The following LRRK1 variants were observed in gnomAD, a reference collection of about 807,000 sequenced individuals.
The protein encoded by LRRK1 is leucine rich repeat kinase 1.
LRRK1 carries 113 observed loss-of-function variants against 209.1 expected under a neutral mutation model. The observed-to-expected ratio is 0.54, with a 90% CI of 0.46 to 0.63. LRRK1 has a LOEUF of 0.63. LRRK1 is among the 30% of genes least tolerant of loss of function. The pLI, the probability that LRRK1 is intolerant of heterozygous loss-of-function variation, is 0.00. For synonymous variants in LRRK1, 1,144 were observed against 1,099.7 expected (o/e 1.04, Z -0.80); for missense variants, 2,284 against 2,632.2 (o/e 0.87, Z 2.89).
intron 22 of LRRK1, 67 bp from the exon 23 acceptor site, chr15:101,049,557 TGGTTCCTGTCCCTGGGGGTA>T: frequency 1.3e-6 from 2 of 1,481,544 alleles, no homozygotes; most frequent in Non-Finnish European, 1.8e-6. Context: ...CCCCGGGGGT[TGGTTCCTGTCCCTGGGGGTA>T]GGGATATCAT....
intron 2 of LRRK1, among the ~76,000 whole-genome samples, chr15:100,940,704 G>A (rs2042385264): frequency 6.6e-6 from 1 of 152,102 alleles, no homozygotes; most frequent in Admixed American, 6.5e-5. Flanking sequence ...TCTGTGTAGA[G>A]AGGGGCCCTG....
At chr15:101,062,475 G>A (rs2141156638) in intron 30 of LRRK1, 99 bp from the exon 31 acceptor site, 2 of 833,018 alleles carry the variant, frequency 2.4e-6, no homozygotes, top group Non-Finnish European at 4.2e-6. Context: ...AAGACCCATA[G>A]GGGATCCCCA....
chr15:100,927,186 G>C (rs965010754), intron 2 of LRRK1, among the ~76,000 whole-genome samples: 1 of 152,152 alleles, frequency 6.6e-6, no homozygotes, highest in African/African-American at 2.4e-5. Flanking sequence ...AGGTCCCCAG[G>C]GATCCCCCGT....
chr15:101,014,290 T>A lies in LRRK1; in HGVS notation c.1420-26T>A, dbSNP rs745611145. ...TCTTGTATCTGATGCTATCTTAGCTTCTCTCTCCCTCCCTCTCTCTCTCAG... is the reference window on the plus strand; with the variant it reads ...TCTTGTATCTGATGCTATCTTAGCTACTCTCTCCCTCCCTCTCTCTCTCAG... On this transcript the variant is annotated intron_variant, in intron 10 of 33. Transcript: ENST00000388948. 8 of 1,523,664 alleles carry A rather than the reference T, an allele frequency of 5.3e-6. No homozygotes were observed. The East Asian group carries it at 1.8e-4, about 34-fold the overall frequency. 94.4% of individuals were successfully genotyped at this position (1,523,664 alleles called of 1,614,324 possible). A position where few individuals can be genotyped will look rare whatever the true frequency, so the allele number is the denominator to read the frequency against.
At chr15:101,021,987 A>G (rs571192427) in intron 14 of LRRK1, 30 bp downstream of exon 14, 11 of 1,499,606 alleles carry the variant, frequency 7.3e-6, no homozygotes, top group South Asian at 6.8e-5. Flanking sequence ...GTCCCCTGCC[A>G]TCACCTCTTG....
rs762129174 is a variant in LRRK1 at position 101,051,745 on chromosome 15, C to T, written c.3474C>T (p.Leu1158=). The part of the protein sequence containing the change: ...LTATESDGTP[L]MEQYVPCPVC... ...CCACAGAGAGCGACGGGACGCCACT[C>T]ATGGAGCAGTACGTGCCCTGCCCGG... Residue 1158 remains leucine, a synonymous_variant, in exon 24 of 34, where the codon CTC becomes CTT. Coordinates refer to ENST00000388948, the MANE Select transcript of LRRK1 (RefSeq NM_024652.6). 6.2e-7 allele frequency: 1 copy of T among 1,613,974 alleles called. No homozygotes were observed. Among genetic ancestry groups the T allele is most frequent in the East Asian group, 2.2e-5 (1 of 44,880 alleles).
intron 16 of LRRK1, 95 bp downstream of exon 16, chr15:101,025,062 G>C: frequency 7.8e-7 from 1 of 1,284,278 alleles, no homozygotes; most frequent in Non-Finnish European, 1.1e-6. Context: ...GAGAAAAAAA[G>C]GGGGTTATGT....
intron 21 of LRRK1, among the ~76,000 whole-genome samples, chr15:101,046,633 A>T (rs1208347984): frequency 6.6e-6 from 1 of 152,238 alleles, no homozygotes; most frequent in Non-Finnish European, 1.5e-5. Context: ...TAAAAGACAC[A>T]GACCACACTC....
chr15:101,068,222 G>A (rs1056954261), intron 33 of LRRK1, among the ~76,000 whole-genome samples: 1 of 152,170 alleles, frequency 6.6e-6, no homozygotes, highest in Non-Finnish European at 1.5e-5. Context: ...TTTAATATAT[G>A]ATCCTGTATT....
chr15:101,008,767 C>G, intron 6 of LRRK1, 70 bp from the exon 7 acceptor site: 1 of 1,217,342 alleles, frequency 8.2e-7, no homozygotes, highest in Non-Finnish European at 1.2e-6. Flanking sequence ...TTAACCCTTG[C>G]TTTATTCCAA....
chr15:101,041,168 C>A (rs1429261739), intron 20 of LRRK1, among the ~76,000 whole-genome samples: 3 of 152,146 alleles, frequency 2.0e-5, no homozygotes, highest in Non-Finnish European at 4.4e-5. Flanking sequence ...GGTAATACTC[C>A]TTTTCTTGAA....
chr15:101,041,872 TAAC>T (rs2034775035), intron 20 of LRRK1, among the ~76,000 whole-genome samples: 1 of 152,080 alleles, frequency 6.6e-6, no homozygotes, highest in Admixed American at 6.6e-5. Flanking sequence ...TTAACAACAA[TAAC>T]AACAAAACAG....
intron 2 of LRRK1, among the ~76,000 whole-genome samples, chr15:100,962,356 C>A (rs918567305): frequency 1.3e-5 from 2 of 151,920 alleles, no homozygotes; most frequent in African/African-American, 4.8e-5. Context: ...GTGGCGAAAC[C>A]CTGTCTCCAT....
At chr15:101,056,398 AGT>A (rs1190648463) in intron 27 of LRRK1, among the ~76,000 whole-genome samples, 10 of 152,188 alleles carry the variant, frequency 6.6e-5, no homozygotes, top group Non-Finnish European at 5.9e-5. Flanking sequence ...GCAAGTTCTC[AGT>A]GTGTTTTATT....
chr15:100,994,224 A>G (rs561338012), intron 6 of LRRK1, among the ~76,000 whole-genome samples: 1 of 152,366 alleles, frequency 6.6e-6, no homozygotes, highest in Non-Finnish European at 1.5e-5. Flanking sequence ...GATGACAAAT[A>G]CTAAACAGTA....
chr15:100,943,688 A>G (rs987644362), intron 2 of LRRK1, among the ~76,000 whole-genome samples: 1 of 150,390 alleles, frequency 6.6e-6, no homozygotes, highest in Admixed American at 6.6e-5. Flanking sequence ...TTTGTTTGCA[A>G]GTGATCGTAT....
chr15:100,965,906 C>T lies in LRRK1; in HGVS notation c.98-7898C>T, dbSNP rs563327269. Among the ~76,000 whole-genome samples, 2 of 152,098 alleles carry T rather than the reference C, an allele frequency of 1.3e-5. 1 individual carries two copies. Among genetic ancestry groups the T allele is most frequent in the South Asian group, 4.1e-4 (2 of 4,822 alleles). On this transcript the variant is annotated intron_variant, in intron 2 of 33. Coordinates refer to ENST00000388948, the MANE Select transcript of LRRK1 (RefSeq NM_024652.6). ...TCTAAAATTTGAAACTGCATTATAG[C>T]AATGTTCTACTATTATTTTCCTACT...
At position 101,058,161 on chromosome 15, in the gene LRRK1, C is replaced by T. The variant is rs2035922419; in HGVS notation, c.4679+20C>T. On this transcript the variant is annotated intron_variant, in intron 29 of 33. Transcript: ENST00000388948. Reference sequence around the variant, plus strand: ...GTCCAGGTAAGCTCCTGCGGGCTGCCCTGCCCCCTTTGTATTTGGGGTGGG... The same window carrying T: ...GTCCAGGTAAGCTCCTGCGGGCTGCTCTGCCCCCTTTGTATTTGGGGTGGG... 1.2e-6 allele frequency: 2 copies of T among 1,611,566 alleles called. No individual in the cohort carries two copies. Among genetic ancestry groups the T allele is most frequent in the African/African-American group, 1.3e-5 (1 of 74,946 alleles).
Position 100,988,437 on chromosome 15 carries a change from T to C in LRRK1, c.434-197T>C. On this transcript the variant is annotated intron_variant, in intron 4 of 33. Transcript: ENST00000388948. ...TGTTGCGTTAGTTCACTTAGGATAA[T>C]GACCTCCAGCTCCATCCATGATGCT... 8.0e-6 allele frequency: 5 copies of C among 624,190 alleles called. 1 individual carries two copies. The highest frequency in any genetic ancestry group is 7.6e-5 in the South Asian group (4 of 52,440). 38.7% of individuals were successfully genotyped at this position (624,190 alleles called of 1,614,324 possible).
Sources: allele counts gnomAD v4.1 joint callset (sites outside exome capture counted in the v4.1 genomes callset), GRCh38; gene constraint gnomAD v4.1.1; transcripts MANE v1.5; gene names NCBI Gene and HGNC (gene_info 2026-07-23, HGNC 2026-07-21).